The following GSDME variants were observed in gnomAD, a reference collection of about 807,000 sequenced individuals.
The protein encoded by GSDME is gasdermin-E.
GSDME carries 44 observed loss-of-function variants against 47.5 expected under a neutral mutation model. The observed-to-expected ratio is 0.93, with a 90% CI of 0.73 to 1.19. The LOEUF is 1.19. GSDME is among the 50% of genes most tolerant of loss of function. The probability of loss-of-function intolerance (pLI) is 0.00; values close to 1 mark genes in which losing one functional copy is unlikely to be tolerated. For synonymous variants in GSDME, 258 were observed against 252.8 expected, an observed-to-expected ratio of 1.02 and a Z score of -0.20; for missense variants, 663 against 604.2, an observed-to-expected ratio of 1.10 and a Z score of -1.02.
the GSDME span, among the ~76,000 whole-genome samples, chr7:24,776,148 C>G: frequency 2.3e-5 from 3 of 133,084 alleles, no homozygotes; most frequent in East Asian, 6.9e-4. Flanking sequence ...CCATTGCACT[C>G]TAGCCTAGGC....
chr7:24,793,785 T>C, the GSDME span, among the ~76,000 whole-genome samples: 1 of 142,522 alleles, frequency 7.0e-6, no homozygotes, highest in South Asian at 2.2e-4. Context: ...CCCCCTTTTC[T>C]TTTTTTTTTT....
rs1177502588 is a variant in GSDME, at chr7:24,728,118, C to T, written c.405-8900G>A. ...TCACTCCGTTTTTCTTATCAGGAATCGGGGGCAATTCTGGCCAATGAGACC... is the reference window on the plus strand; with the variant it reads ...TCACTCCGTTTTTCTTATCAGGAATTGGGGGCAATTCTGGCCAATGAGACC... On this transcript the variant is annotated intron_variant, in intron 3 of 9. Coordinates refer to ENST00000645220, the MANE Select transcript of GSDME (RefSeq NM_001127453.2). This position sits in a 1 kb window ranked among gnomAD's most constrained non-coding sequence, Gnocchi z 7.2. 6.6e-6 allele frequency among the ~76,000 whole-genome samples: 1 copy of T among 152,192 alleles called. No individual in the cohort carries two copies. The highest frequency in any genetic ancestry group is 1.5e-5 in the Non-Finnish European group (1 of 68,032).
At position 24,744,288 on chromosome 7, in the gene GSDME, A is replaced by C; in HGVS notation, c.404+274T>G. The C allele has an allele frequency of 4.2e-6, 2 of 480,284 alleles. No homozygotes were observed. The highest frequency in any genetic ancestry group is 7.6e-6 in the Non-Finnish European group (2 of 263,502). 29.8% of individuals were successfully genotyped at this position (480,284 alleles called of 1,614,324 possible). A position where few individuals can be genotyped will look rare whatever the true frequency, so the allele number is the denominator to read the frequency against. On this transcript the variant is annotated intron_variant, in intron 3 of 9. Coordinates refer to ENST00000645220, the MANE Select transcript of GSDME (RefSeq NM_001127453.2). The surrounding 1 kb of genome is among the most constrained non-coding windows in gnomAD (Gnocchi z 4.5). ...AGGACAGAGCATTTTTACCGTTCGC[A>C]TTTTATAAATCATGTGATTGAAGGA... is the stretch of plus-strand genomic sequence containing the variant.
At chr7:24,750,095 A>C (rs1283656501) in intron 1 of GSDME, among the ~76,000 whole-genome samples, 1 of 152,212 alleles carries the variant, frequency 6.6e-6, no homozygotes. Flanking sequence ...ACAGGGGTAC[A>C]AGAGAGTTTT....
chr7:24,710,376 A>G lies in GSDME; in HGVS notation c.710T>C (p.Leu237Pro). ...CTCGAAGCCACCTTGCTTCCCTCGG[A>G]GAAGGCAGAACTCTGTAGTGCAGGA... ...KLDGQFEFCL[L>P]RGKQGGFENK... Residue 237 changes from leucine (L) to proline (P), a missense_variant, in exon 6 of 10, where the codon CTC becomes CCC. Coordinates refer to ENST00000645220, the MANE Select transcript of GSDME (RefSeq NM_001127453.2). 1 of 1,614,212 alleles carries G rather than the reference A, an allele frequency of 6.2e-7. No homozygotes were observed. The highest frequency in any genetic ancestry group is 8.5e-7 in the Non-Finnish European group (1 of 1,180,042).
At chr7:24,727,951 C>A (rs2128057109) in intron 3 of GSDME, among the ~76,000 whole-genome samples, 1 of 152,332 alleles carries the variant, frequency 6.6e-6, no homozygotes, top group South Asian at 2.1e-4. Flanking sequence ...GGCTGCAAAA[C>A]CCTCCCACAC....
At chr7:24,772,768 A>G in the GSDME span, among the ~76,000 whole-genome samples, 10 of 152,338 alleles carry the variant, frequency 6.6e-5, no homozygotes, top group African/African-American at 2.4e-4. The surrounding 1 kb of genome is among the most constrained non-coding windows in gnomAD (Gnocchi z 4.5). Flanking sequence ...TAGTTCAGTA[A>G]TATTTCAGAA....
chr7:24,789,024 T>A, the GSDME span, among the ~76,000 whole-genome samples: 2 of 152,328 alleles, frequency 1.3e-5, no homozygotes, highest in South Asian at 4.1e-4. Flanking sequence ...TGCTTTTGGA[T>A]GTCTCTTTTT....
chr7:24,764,074 T>C, the GSDME span, among the ~76,000 whole-genome samples: 1 of 152,228 alleles, frequency 6.6e-6, no homozygotes, highest in Non-Finnish European at 1.5e-5. The surrounding 1 kb of genome is among the most constrained non-coding windows in gnomAD (Gnocchi z 4.4). Flanking sequence ...CTATAACAAT[T>C]TATTACTGAT....
At chr7:24,790,250 G>T in the GSDME span, among the ~76,000 whole-genome samples, 13,253 of 152,250 alleles carry the variant, frequency 0.087, 753 homozygotes, top group South Asian at 0.12. This position sits in a 1 kb window ranked among gnomAD's most constrained non-coding sequence, Gnocchi z 4.1. Flanking sequence ...TTTTATTAGT[G>T]ATTATTTCTA....
the GSDME span, among the ~76,000 whole-genome samples, chr7:24,791,001 T>A: frequency 1.7e-4 from 26 of 152,178 alleles, no homozygotes; most frequent in Non-Finnish European, 3.5e-4. This position sits in a 1 kb window ranked among gnomAD's most constrained non-coding sequence, Gnocchi z 4.8. Context: ...TGGCCATGCA[T>A]GGACCAGTCA....
At chr7:24,783,497 C>G in the GSDME span, among the ~76,000 whole-genome samples, 1 of 152,154 alleles carries the variant, frequency 6.6e-6, no homozygotes, top group East Asian at 1.9e-4. Flanking sequence ...AGCTGAGATT[C>G]AAATGTGATT....
At chr7:24,750,902 G>A (rs576905229) in intron 1 of GSDME, among the ~76,000 whole-genome samples, 1 of 152,274 alleles carries the variant, frequency 6.6e-6, no homozygotes, top group Non-Finnish European at 1.5e-5. Flanking sequence ...AATGCTGTTG[G>A]AACAATGGGC....
chr7:24,769,902 G>A, the GSDME span, among the ~76,000 whole-genome samples: 1 of 152,208 alleles, frequency 6.6e-6, no homozygotes, highest in Non-Finnish European at 1.5e-5. Flanking sequence ...TGCAAGAACA[G>A]ATGGATAATT....
chr7:24,706,505 C>T, intron 7 of GSDME, 129 bp from the exon 8 acceptor site: 1 of 852,560 alleles, frequency 1.2e-6, no homozygotes, highest in Non-Finnish European at 1.8e-6. Context: ...ACCCGCAGCT[C>T]TTCTCTACGT....
rs1375486696 is a variant in GSDME at position 24,725,663 on chromosome 7, T to C, written c.405-6445A>G. ...CTCTGCTAATCAGATTGGAACAAAATAGGATGGGGATTTTCACAGTGCTTT... is the reference window on the plus strand; with the variant it reads ...CTCTGCTAATCAGATTGGAACAAAACAGGATGGGGATTTTCACAGTGCTTT... On this transcript the variant is annotated intron_variant, in intron 3 of 9. Coordinates refer to ENST00000645220, the MANE Select transcript of GSDME (RefSeq NM_001127453.2). The surrounding 1 kb of genome is among the most constrained non-coding windows in gnomAD (Gnocchi z 5.1). Among the ~76,000 whole-genome samples the C allele has an allele frequency of 6.6e-6, 1 of 152,140 alleles. No homozygotes were observed. Among genetic ancestry groups the C allele is most frequent in the East Asian group, 1.9e-4 (1 of 5,170 alleles).
At chr7:24,748,693 C>A (rs899958610) in intron 2 of GSDME, among the ~76,000 whole-genome samples, 2 of 152,256 alleles carry the variant, frequency 1.3e-5, no homozygotes, top group Middle Eastern at 3.4e-3. Flanking sequence ...TTCTTTTGCA[C>A]ATCTGGACAA....
chr7:24,747,909 C>T (rs1186698027), intron 2 of GSDME, among the ~76,000 whole-genome samples: 1 of 152,006 alleles, frequency 6.6e-6, no homozygotes, highest in African/African-American at 2.4e-5. Context: ...CTCAAGCGAT[C>T]CGCCCACCTC....
intron 2 of GSDME, among the ~76,000 whole-genome samples, chr7:24,746,311 G>C (rs979658566): frequency 6.6e-6 from 1 of 152,218 alleles, no homozygotes; most frequent in Non-Finnish European, 1.5e-5. Flanking sequence ...CAGAGATAAA[G>C]AGGTTAGGAT....
Sources: gnomAD v4.1 joint callset for allele counts (sites outside exome capture counted in the v4.1 genomes callset) on GRCh38, gnomAD v4.1.1 for gene constraint, Gnocchi (gnomAD v3.1) non-coding constraint, MANE v1.5 for transcripts, NCBI Gene and HGNC (gene_info 2026-07-23, HGNC 2026-07-21) for gene names.